The following VPS13C variants were observed in gnomAD, a reference collection of about 807,000 sequenced individuals.
VPS13C encodes the protein vacuolar protein sorting 13 homolog C, also known as intermembrane lipid transfer protein VPS13C.
Under a neutral mutation model 456.8 loss-of-function variants are expected in VPS13C, and 358 were observed. That is an observed-to-expected ratio of 0.78 (90% CI 0.72 to 0.86). The LOEUF (loss-of-function observed/expected upper bound fraction) is 0.86, where lower values mean the gene tolerates loss of function less well. VPS13C is among the 40% of genes least tolerant of loss of function. The pLI is 0.00. For synonymous variants in VPS13C, 1,578 were observed against 1,486.7 expected (o/e 1.06, Z -1.41); for missense variants, 4,818 against 4,385.4 (o/e 1.10, Z -2.79).
rs983893387 is a variant in VPS13C, at chr15:62,060,394, G to A, written c.-20C>T. On this transcript the variant is annotated 5_prime_UTR_variant, in exon 1 of 85. Coordinates refer to ENST00000644861, the MANE Select transcript of VPS13C (RefSeq NM_020821.3). ...CACCATGGTGGCGCTGAGGCACAAG[G>A]AGAGGGAGGAGCCGGAACCGCCCGG... The A allele has an allele frequency of 7.0e-6, 10 of 1,425,110 alleles. No individual in the cohort carries two copies. Among genetic ancestry groups the A allele is most frequent in the African/African-American group, 1.5e-5 (1 of 68,014 alleles). 88.3% of individuals were successfully genotyped at this position (1,425,110 alleles called of 1,614,324 possible).
chr15:61,974,356 C>G lies in VPS13C; in HGVS notation c.2470G>C (p.Asp824His). 6.2e-7 allele frequency: 1 copy of G among 1,612,738 alleles called. No individual in the cohort carries two copies. Among genetic ancestry groups the G allele is most frequent in the Non-Finnish European group, 8.5e-7 (1 of 1,179,062 alleles). Residue 824 changes from aspartate to histidine, a missense_variant, in exon 25 of 85, where the codon GAT becomes CAT. Asp to His is a moderately conservative substitution (Grantham distance 81). This residue lies in a region of VPS13C where 4,552 missense variants were observed against 4,130.6 expected (regional missense o/e 1.10). Coordinates refer to ENST00000644861, the MANE Select transcript of VPS13C (RefSeq NM_020821.3). ...HVRISDQKMKDVLYLMNSIPL... is the reference protein window; with the variant it reads ...HVRISDQKMKHVLYLMNSIPL... ...ATACTGTTCATCAAATATAGCACAT[C>G]TTTCATCTTCTGGTCAGAAATTCTC...
At chr15:62,006,862 T>C (rs1307557456) in intron 15 of VPS13C, among the ~76,000 whole-genome samples, 1 of 152,232 alleles carries the variant, frequency 6.6e-6, no homozygotes, top group Non-Finnish European at 1.5e-5. Flanking sequence ...CCAGTGATGA[T>C]GAGCATTTTT....
At chr15:61,925,064 C>T (rs1378749988) in intron 53 of VPS13C, among the ~76,000 whole-genome samples, 1 of 152,046 alleles carries the variant, frequency 6.6e-6, no homozygotes, top group African/African-American at 2.4e-5. Flanking sequence ...TAAATTCAAT[C>T]AACTTATACA....
chr15:61,909,365 GC>G (rs1566990915), intron 64 of VPS13C, among the ~76,000 whole-genome samples: 2 of 152,108 alleles, frequency 1.3e-5, no homozygotes, highest in Non-Finnish European at 2.9e-5. Flanking sequence ...GTGCCACCAT[GC>G]CCAGCTAATT....
intron 82 of VPS13C, among the ~76,000 whole-genome samples, chr15:61,860,953 CTTTTTTTTTTT>C (rs781045840): frequency 1.3e-4 from 12 of 89,698 alleles, no homozygotes; most frequent in South Asian, 4.2e-4. Flanking sequence ...TATTTTCTTT[CTTTTTTTTTTT>C]TTTTTTTTTT....
chr15:61,964,585 G>T, intron 31 of VPS13C, 114 bp downstream of exon 31: 1 of 1,030,350 alleles, frequency 9.7e-7, no homozygotes, highest in Non-Finnish European at 1.4e-6. Context: ...TTAATTTGAA[G>T]AAAAGGGGAA....
intron 47 of VPS13C, 44 bp from the exon 48 acceptor site, chr15:61,936,794 A>G: frequency 6.5e-7 from 1 of 1,537,320 alleles, no homozygotes; most frequent in South Asian, 1.3e-5. Flanking sequence ...AATAAAAAAA[A>G]TGTAGACTAT....
At chr15:61,899,598 T>A (rs147616018) in intron 66 of VPS13C, among the ~76,000 whole-genome samples, 1 of 143,956 alleles carries the variant, frequency 6.9e-6, no homozygotes, top group Non-Finnish European at 1.5e-5. Context: ...AATAACAGGA[T>A]CTGAAATTGT....
chr15:62,006,886 G>A (rs888616387), intron 15 of VPS13C, among the ~76,000 whole-genome samples: 2 of 151,792 alleles, frequency 1.3e-5, no homozygotes, highest in Non-Finnish European at 2.9e-5. Context: ...TGTGTTTTTT[G>A]GCTGCATAAA....
At chr15:61,957,042 G>T (rs770627488) in intron 37 of VPS13C, among the ~76,000 whole-genome samples, 1 of 151,962 alleles carries the variant, frequency 6.6e-6, no homozygotes, top group South Asian at 2.1e-4. Flanking sequence ...CTAAAAACTG[G>T]AAACAACCTG....
chr15:61,886,559 T>A (rs1307984696), intron 67 of VPS13C, among the ~76,000 whole-genome samples: 2 of 152,016 alleles, frequency 1.3e-5, no homozygotes, highest in Non-Finnish European at 2.9e-5. Flanking sequence ...GTGCACTGAG[T>A]AGCAATGTCA....
At chr15:61,894,550 A>C (rs72747874) in intron 66 of VPS13C, among the ~76,000 whole-genome samples, 2 of 152,042 alleles carry the variant, frequency 1.3e-5, no homozygotes, top group Non-Finnish European at 2.9e-5. Flanking sequence ...ATTCCACACA[A>C]ATGGAAACCA....
chr15:62,015,666 T>G (rs2047212105), intron 9 of VPS13C, among the ~76,000 whole-genome samples: 1 of 138,522 alleles, frequency 7.2e-6, no homozygotes, highest in Non-Finnish European at 1.5e-5. Context: ...CTCAGTAAAC[T>G]ATCGCAAGAA....
Position 61,945,897 on chromosome 15 carries a change from T to C in VPS13C, c.4981-15A>G. On this transcript the variant is annotated splice_polypyrimidine_tract_variant and intron_variant, in intron 44 of 84. Transcript: ENST00000644861. ...ATAGAGACAGCCTAAAAGTATTAGA[T>C]TAACTGGTTATTATATCAAAAGAGC... The C allele has an allele frequency of 6.3e-7, 1 of 1,585,866 alleles. No homozygotes were observed. The highest frequency in any genetic ancestry group is 1.7e-4 in the Middle Eastern group (1 of 5,916).
rs114861330 is a variant in VPS13C, at chr15:61,907,280, T to A, written c.9089A>T (p.Glu3030Val). The change falls in exon 66 of 85, where the codon GAA becomes GTA. Residue 3030 changes from glutamate to valine, a missense_variant. Around this residue, in one of 3 missense-constraint regions of VPS13C, gnomAD observed 4,552 missense variants for 4,130.6 expected, o/e 1.10. Coordinates refer to ENST00000644861, the MANE Select transcript of VPS13C (RefSeq NM_020821.3). ...AAAAGATACCTTTAACAGATCATGTTCCCCAACATTTGCTGCATATGTCCA... is the reference window on the plus strand; with the variant it reads ...AAAAGATACCTTTAACAGATCATGTACCCCAACATTTGCTGCATATGTCCA... ...LTWTYAANVG[E>V]HDLLKDGCGQ... 3.0e-5 allele frequency: 49 copies of A among 1,613,916 alleles called. No individual in the cohort carries two copies. In the East Asian group the frequency reaches 1.0e-3, roughly 35 times the overall value.
intron 81 of VPS13C, chr15:61,864,786 T>TGA (rs1894429057): frequency 1.0e-6 from 1 of 985,284 alleles, no homozygotes; most frequent in Non-Finnish European, 1.2e-6. Context: ...CTTGTGCGAA[T>TGA]TAGTTAAAAT....
At chr15:61,915,013 CA>C (rs1164020661) in intron 61 of VPS13C, among the ~76,000 whole-genome samples, 1 of 148,714 alleles carries the variant, frequency 6.7e-6, no homozygotes, top group Non-Finnish European at 1.5e-5. Context: ...AGAAAATCTT[CA>C]TATATATCAG....
rs781540758 is a variant in VPS13C at position 61,909,052 on chromosome 15, C to A, written c.8918G>T (p.Gly2973Val). ...GTTCATTATCAAGGCAGGTGCAGAT[C>A]CCTCATGGTAATCAGAAAAAGTTAT... ...TVITFSDYHE[G>V]SAPALIMNHT... The change falls in exon 65 of 85, where the codon GGA (glycine) becomes GTA (valine). Residue 2973 changes from glycine (G) to valine (V), a missense_variant. Transcript: ENST00000644861. 1.9e-6 allele frequency: 3 copies of A among 1,613,716 alleles called. No individual in the cohort carries two copies. Among genetic ancestry groups the A allele is most frequent in the South Asian group, 2.2e-5 (2 of 91,038 alleles).
At chr15:62,017,678 G>A (rs1175506494) in intron 9 of VPS13C, among the ~76,000 whole-genome samples, 1 of 152,138 alleles carries the variant, frequency 6.6e-6, no homozygotes, top group Non-Finnish European at 1.5e-5. Flanking sequence ...ATGCTGTTTT[G>A]GTTACTGTAG....
Sources: allele counts gnomAD v4.1 joint callset (sites outside exome capture counted in the v4.1 genomes callset), GRCh38; gene constraint gnomAD v4.1.1; regional missense constraint gnomAD v4.1.1; transcripts MANE v1.5; gene names NCBI Gene and HGNC (gene_info 2026-07-23, HGNC 2026-07-21).